The following TPST1 variants were observed in gnomAD, a reference collection of about 807,000 sequenced individuals.
TPST1 encodes the protein tyrosylprotein sulfotransferase 1, also known as protein-tyrosine sulfotransferase 1.
A neutral mutation model predicts 34.8 loss-of-function variants in TPST1; 20 were observed. That is an observed-to-expected ratio of 0.57 (90% CI 0.40 to 0.84). The LOEUF is 0.84. Ranked by LOEUF, TPST1 falls within the 40% of genes least tolerant of loss-of-function variation. TPST1 has a pLI of 0.00. For missense variants in TPST1, 353 were observed against 455.5 expected, an observed-to-expected ratio of 0.78 and a Z score of 2.05; for synonymous variants, 152 against 159.4, an observed-to-expected ratio of 0.95 and a Z score of 0.35.
At chr7:66,294,360 A>C (rs937578042) in intron 3 of TPST1, among the ~76,000 whole-genome samples, 1 of 152,152 alleles carries the variant, frequency 6.6e-6, no homozygotes, top group Non-Finnish European at 1.5e-5. Flanking sequence ...TTCCCTCCCT[A>C]CAACCATATA....
Position 66,278,386 on chromosome 7 carries a change from A to G in TPST1, c.846-8125A>G, listed in dbSNP as rs564795742. Among the ~76,000 whole-genome samples the G allele has an allele frequency of 5.9e-5, 9 of 152,254 alleles. No individual in the cohort carries two copies. In the South Asian group the frequency reaches 1.9e-3, roughly 32 times the overall value. On this transcript the variant is annotated intron_variant, in intron 2 of 5. Coordinates refer to ENST00000304842, the MANE Select transcript of TPST1 (RefSeq NM_003596.4). ...GTAAGGTAGACTTTAGGGGTGACAT[A>G]AAGAGCTCAGTTTGGACTATGTTGA...
chr7:66,306,791 A>T (rs1470726780), intron 3 of TPST1, among the ~76,000 whole-genome samples: 1 of 152,052 alleles, frequency 6.6e-6, no homozygotes, highest in Non-Finnish European at 1.5e-5. Context: ...TGTCTCACTG[A>T]AACCTCCCCC....
chr7:66,243,744 G>A (rs1364992567), intron 2 of TPST1, among the ~76,000 whole-genome samples: 4 of 151,036 alleles, frequency 2.6e-5, no homozygotes, highest in Non-Finnish European at 5.9e-5. Context: ...CACTATGCCT[G>A]GCCAGCCATA....
At chr7:66,222,698 C>A (rs1227337148) in intron 1 of TPST1, among the ~76,000 whole-genome samples, 1 of 151,934 alleles carries the variant, frequency 6.6e-6, no homozygotes, top group Admixed American at 6.6e-5. Context: ...GGTCTGATGT[C>A]AATGGGGAAT....
chr7:66,228,557 A>G (rs891064570), intron 1 of TPST1, among the ~76,000 whole-genome samples: 4 of 152,214 alleles, frequency 2.6e-5, no homozygotes, highest in Non-Finnish European at 5.9e-5. Flanking sequence ...GTATAACTGT[A>G]TAAATGGTTG....
chr7:66,264,618 A>G (rs1790554108), intron 2 of TPST1, among the ~76,000 whole-genome samples: 1 of 152,260 alleles, frequency 6.6e-6, no homozygotes, highest in Non-Finnish European at 1.5e-5. Context: ...CAGATTTTAC[A>G]GAATTAGTTT....
rs1300875334 is a variant in TPST1 at position 66,205,991 on chromosome 7, C to G, written c.-102+469C>G. The G allele has an allele frequency of 6.5e-6, 1 of 152,804 alleles. No individual in the cohort carries two copies. The highest frequency in any genetic ancestry group is 2.4e-5 in the African/African-American group (1 of 41,452). The allele number at this position is 152,804 out of a possible 1,614,324, so 9.5% of individuals were successfully genotyped here. A position where few individuals can be genotyped will look rare whatever the true frequency, so the allele number is the denominator to read the frequency against. On this transcript the variant is annotated intron_variant, in intron 1 of 5. Transcript: ENST00000304842. This position sits in a 1 kb window ranked among gnomAD's most constrained non-coding sequence, Gnocchi z 5.0. ...TGTCCCTGGGTCTTGCCCTTTTGCT[C>G]CTAAGCACCTTCCTTTCCCAACTCG...
In TPST1 at chr7:66,215,254, C is replaced by G. The variant is rs757504927; in HGVS notation, c.-102+9732C>G. Among the ~76,000 whole-genome samples the G allele has an allele frequency of 2.7e-3, 408 of 149,532 alleles. 1 individual carries two copies. The highest frequency in any genetic ancestry group is 4.3e-3 in the Admixed American group (64 of 14,876). On this transcript the variant is annotated intron_variant, in intron 1 of 5. Coordinates refer to ENST00000304842, the MANE Select transcript of TPST1 (RefSeq NM_003596.4). ...ATTTTTAGTAGAGACGGGGTTTCAC[C>G]ATGTTGGCCAGGATGGTCTCCATCT...
chr7:66,257,187 C>A (rs779681296), intron 2 of TPST1, among the ~76,000 whole-genome samples: 3 of 152,130 alleles, frequency 2.0e-5, no homozygotes, highest in Non-Finnish European at 2.9e-5. Flanking sequence ...GCTCAGCCCC[C>A]CAAAGTGCTA....
chr7:66,239,243 A>AGAGCTGTGATTACAGGCGT (rs1272387363), intron 1 of TPST1, among the ~76,000 whole-genome samples: 2 of 152,152 alleles, frequency 1.3e-5, no homozygotes, highest in Admixed American at 1.3e-4. Flanking sequence ...GGTCTCCCAA[A>AGAGCTGTGATTACAGGCGT]GAGCTGTGAT....
In TPST1 at chr7:66,283,565, T is replaced by C. The variant is rs563183363; in HGVS notation, c.846-2946T>C. ...TCCAGTAAACTTTACTTATGGATAT[T>C]GATACTCAGATTTCACATGATTTTC... On this transcript the variant is annotated intron_variant, in intron 2 of 5. Transcript: ENST00000304842. Among the ~76,000 whole-genome samples the C allele has an allele frequency of 1.1e-4, 16 of 152,304 alleles. 1 individual carries two copies. Among genetic ancestry groups the C allele is most frequent in the Admixed American group, 1.0e-3 (16 of 15,304 alleles).
intron 3 of TPST1, among the ~76,000 whole-genome samples, chr7:66,331,837 T>C (rs1424214613): frequency 6.6e-6 from 1 of 152,164 alleles, no homozygotes; most frequent in African/African-American, 2.4e-5. Flanking sequence ...GTGATTTTTG[T>C]ATTAAAACAA....
At chr7:66,222,680 C>T (rs1429028740) in intron 1 of TPST1, among the ~76,000 whole-genome samples, 1 of 151,854 alleles carries the variant, frequency 6.6e-6, no homozygotes, top group Admixed American at 6.6e-5. Flanking sequence ...AGAGGCCAGG[C>T]GTGGAGGGGT....
the TPST1 span, among the ~76,000 whole-genome samples, chr7:66,200,117 G>A: frequency 6.6e-5 from 10 of 152,164 alleles, no homozygotes; most frequent in African/African-American, 2.4e-4. Context: ...CTCAAAGCCT[G>A]CACATTCCTA....
At chr7:66,238,682 A>G (rs964661621) in intron 1 of TPST1, among the ~76,000 whole-genome samples, 1 of 152,208 alleles carries the variant, frequency 6.6e-6, no homozygotes, top group Admixed American at 6.5e-5. Flanking sequence ...TGTTGATTTA[A>G]GTGTTAATCA....
At chr7:66,333,206 T>C (rs960343678) in intron 3 of TPST1, among the ~76,000 whole-genome samples, 1 of 152,222 alleles carries the variant, frequency 6.6e-6, no homozygotes, top group Non-Finnish European at 1.5e-5. Context: ...GATTTCCGTC[T>C]ACAAACCCAA....
chr7:66,300,734 T>C (rs1791297636), intron 3 of TPST1, among the ~76,000 whole-genome samples: 1 of 152,076 alleles, frequency 6.6e-6, no homozygotes, highest in Non-Finnish European at 1.5e-5. Flanking sequence ...TCACCTGAGG[T>C]CAGGAGTTCA....
At chr7:66,205,212 A>C (rs557612160), upstream of TPST1, 20 of 152,304 alleles carry the variant, frequency 1.3e-4, no homozygotes, top group African/African-American at 4.6e-4. This position sits in a 1 kb window ranked among gnomAD's most constrained non-coding sequence, Gnocchi z 5.0. Context: ...TTCGGTGGGC[A>C]GCCGGCCGGA....
In TPST1 at chr7:66,240,798, G is replaced by C. The variant is rs755428299; in HGVS notation, c.373G>C (p.Asp125His). The change falls in exon 2 of 6, where the codon GAT becomes CAT. Residue 125 changes from aspartate (D) to histidine (H), a missense_variant. By Grantham distance (81) the Asp-to-His change is moderately conservative. Transcript: ENST00000304842. ...SRSSKEKIRLDEAGVTDEVLD... is the reference protein window; with the variant it reads ...SRSSKEKIRLHEAGVTDEVLD... The stretch of plus-strand genomic sequence containing the variant: ...GTCAAGTAAAGAGAAGATCCGCCTG[G>C]ATGAGGCTGGTGTTACTGATGAAGT... 11 of 1,614,204 alleles carry C rather than the reference G, an allele frequency of 6.8e-6. No homozygotes were observed. The South Asian group carries it at 1.2e-4, about 18-fold the overall frequency.
Sources: gnomAD v4.1 joint callset for allele counts (sites outside exome capture counted in the v4.1 genomes callset) on GRCh38, gnomAD v4.1.1 for gene constraint, Gnocchi (gnomAD v3.1) non-coding constraint, MANE v1.5 for transcripts, NCBI Gene and HGNC (gene_info 2026-07-23, HGNC 2026-07-21) for gene names.